Variants in LMTK2 observed in about 807,000 individuals in gnomAD.
The protein encoded by LMTK2 is serine/threonine-protein kinase LMTK2.
A neutral mutation model predicts 127.5 loss-of-function variants in LMTK2; 37 were observed. The ratio of observed to expected loss-of-function variants is 0.29; its 90% CI spans 0.22 to 0.38. LMTK2 has a LOEUF of 0.38. Ranked by LOEUF, LMTK2 falls within the 10% of genes least tolerant of loss-of-function variation. LMTK2 has a pLI of 1.00. For synonymous variants in LMTK2, 819 were observed against 810.1 expected, an observed-to-expected ratio of 1.01 and a Z score of -0.19; for missense variants, 1,694 against 1,920.3, an observed-to-expected ratio of 0.88 and a Z score of 2.20.
At chr7:98,201,592 C>T (rs555141124) in intron 11 of LMTK2, among the ~76,000 whole-genome samples, 1 of 134,720 alleles carries the variant, frequency 7.4e-6, no homozygotes, top group South Asian at 2.7e-4. Context: ...TGGATTTCTT[C>T]GTGTGTGTGT....
chr7:98,137,360 T>C lies in LMTK2; in HGVS notation c.149T>C (p.Leu50Pro). 1.2e-6 allele frequency: 2 copies of C among 1,613,474 alleles called. No homozygotes were observed. The highest frequency in any genetic ancestry group is 1.7e-6 in the Non-Finnish European group (2 of 1,179,676). Residue 50 changes from leucine (L) to proline (P), a missense_variant, in exon 2 of 14, where the codon CTG (leucine) becomes CCG (proline). Around this residue, in one of 8 missense-constraint regions of LMTK2, gnomAD observed 76 missense variants for 82.0 expected, o/e 0.93. Transcript: ENST00000297293. The stretch of plus-strand genomic sequence containing the variant: ...GAAGTTTCCTCATCTTTTGTGATCC[T>C]GTGTGTGTGCAGTTTAATAATATTA... Reference protein sequence around the residue: ...AAEVSSSFVILCVCSLIILIV... With the variant: ...AAEVSSSFVIPCVCSLIILIV...
intron 3 of LMTK2, among the ~76,000 whole-genome samples, chr7:98,147,103 GGTT>G (rs1446440580): frequency 2.0e-5 from 3 of 152,132 alleles, no homozygotes; most frequent in Non-Finnish European, 4.4e-5. Flanking sequence ...TTGAGTAATT[GGTT>G]GTTAATCTTA....
chr7:98,153,122 G>A (rs1328551487), intron 4 of LMTK2, among the ~76,000 whole-genome samples: 1 of 152,208 alleles, frequency 6.6e-6, no homozygotes, highest in East Asian at 1.9e-4. Flanking sequence ...AGACAACTCA[G>A]TGGGGGCACC....
intron 5 of LMTK2, among the ~76,000 whole-genome samples, chr7:98,158,458 A>G (rs1419365916): frequency 6.6e-6 from 1 of 152,274 alleles, no homozygotes. Context: ...TGTCTTTTGT[A>G]CAGATCTGGT....
chr7:98,108,287 T>C (rs1169317005), intron 1 of LMTK2, among the ~76,000 whole-genome samples: 2 of 152,190 alleles, frequency 1.3e-5, no homozygotes, highest in East Asian at 3.9e-4. Context: ...CCTAGTTGTA[T>C]GATTTTTTTT....
At chr7:98,155,676 T>G (rs929942115) in intron 5 of LMTK2, among the ~76,000 whole-genome samples, 1 of 152,204 alleles carries the variant, frequency 6.6e-6, no homozygotes, top group Non-Finnish European at 1.5e-5. Flanking sequence ...AAATTCTTTC[T>G]CCAGAGAAAA....
In LMTK2 at chr7:98,171,644, C is replaced by A; in HGVS notation, c.761C>A (p.Ala254Asp). 6.2e-7 allele frequency: 1 copy of A among 1,600,344 alleles called. No homozygotes were observed. The change falls in exon 7 of 14, where the codon GCC becomes GAC. Residue 254 changes from alanine to aspartate, a missense_variant. By Grantham distance (126) the Ala-to-Asp change is moderately radical. Around this residue, in one of 8 missense-constraint regions of LMTK2, gnomAD observed 203 missense variants for 226.2 expected, o/e 0.90. Transcript: ENST00000297293. This position sits in a 1 kb window ranked among gnomAD's most constrained non-coding sequence, Gnocchi z 5.1. ...GCGTGCGAGGTCGCCGCGGGGCTGG[C>A]CGCCATGCACAAGCTGCACTTCCTG... Reference protein sequence around the residue: ...RMACEVAAGLAAMHKLHFLHS... With the variant: ...RMACEVAAGLDAMHKLHFLHS...
intron 3 of LMTK2, among the ~76,000 whole-genome samples, chr7:98,146,198 C>G (rs1371085499): frequency 6.6e-6 from 1 of 152,148 alleles, no homozygotes; most frequent in Non-Finnish European, 1.5e-5. Context: ...GTCCCTGTGC[C>G]AGTACCACAC....
Position 98,201,599 on chromosome 7 carries a change from G to GTGTTTTGTTTTGTTT in LMTK2, c.4108-1959_4108-1945dup, listed in dbSNP as rs56186084. Among the ~76,000 whole-genome samples the GTGTTTTGTTTTGTTT allele has an allele frequency of 5.1e-3, 771 of 149,804 alleles. 3 individuals carry two copies. Among genetic ancestry groups the GTGTTTTGTTTTGTTT allele is most frequent in the Non-Finnish European group, 6.5e-3 (440 of 67,364 alleles). ...TCTGAGGGTGGATTTCTTCGTGTGT[G>GTGTTTTGTTTTGTTT]TGTTTTGTTTTGTTTTGTTTTGTTT... is the stretch of plus-strand genomic sequence containing the variant. On this transcript the variant is annotated intron_variant, in intron 11 of 13. Coordinates refer to ENST00000297293, the MANE Select transcript of LMTK2 (RefSeq NM_014916.4).
intron 6 of LMTK2, among the ~76,000 whole-genome samples, chr7:98,170,489 A>G (rs1398896786): frequency 1.3e-5 from 2 of 151,392 alleles, no homozygotes; most frequent in South Asian, 4.1e-4. Context: ...GTTACAAGAC[A>G]TGTACTCTTT....
intron 7 of LMTK2, among the ~76,000 whole-genome samples, chr7:98,183,454 C>T (rs1797384056): frequency 6.6e-6 from 1 of 151,978 alleles, no homozygotes; most frequent in Non-Finnish European, 1.5e-5. Context: ...GTAGTGCGAT[C>T]TCGGCTTATT....
chr7:98,149,792 T>A (rs1199515024), intron 3 of LMTK2, among the ~76,000 whole-genome samples: 1 of 152,204 alleles, frequency 6.6e-6, no homozygotes, highest in African/African-American at 2.4e-5. Context: ...TTTTTGGAAA[T>A]TAAAATTAAA....
At position 98,185,192 on chromosome 7, in the gene LMTK2, A is replaced by C. The variant is rs185209638; in HGVS notation, c.876+57A>C. 3.8e-4 allele frequency: 441 copies of C among 1,145,728 alleles called. 1 individual carries two copies. The African/African-American group carries it at 5.3e-3, about 14-fold the overall frequency. The allele number at this position is 1,145,728 out of a possible 1,614,324, so 71.0% of individuals were successfully genotyped here. On this transcript the variant is annotated intron_variant, in intron 8 of 13. Coordinates refer to ENST00000297293, the MANE Select transcript of LMTK2 (RefSeq NM_014916.4). ...ATTTAATTTGAATTGTGAAGTTGTA[A>C]TGTCACCAAATGCCCCACTGTTTGT... is the stretch of plus-strand genomic sequence containing the variant.
Position 98,207,016 on chromosome 7 carries a change from A to T in LMTK2, c.*1524A>T, listed in dbSNP as rs1797814183. The T allele has an allele frequency of 2.0e-5, 3 of 152,218 alleles. 1 individual carries two copies. Among genetic ancestry groups the T allele is most frequent in the South Asian group, 4.2e-4 (2 of 4,818 alleles). 9.4% of individuals were successfully genotyped at this position (152,218 alleles called of 1,614,324 possible). A position where few individuals can be genotyped will look rare whatever the true frequency, so the allele number is the denominator to read the frequency against. ...AGTGCTCCCAGTGTAGCTTCGTCAC[A>T]TCGTCACGAGCCCCTGTGGTCATGG... On this transcript the variant is annotated 3_prime_UTR_variant, in exon 14 of 14. Transcript: ENST00000297293.
chr7:98,179,196 A>G (rs1797316581), intron 7 of LMTK2, among the ~76,000 whole-genome samples: 1 of 152,220 alleles, frequency 6.6e-6, no homozygotes. Flanking sequence ...CATTTCAAGT[A>G]TCCAAAGACC....
At chr7:98,161,839 T>G (rs374617302) in intron 6 of LMTK2, among the ~76,000 whole-genome samples, 2 of 152,106 alleles carry the variant, frequency 1.3e-5, no homozygotes, top group African/African-American at 4.8e-5. Flanking sequence ...CTGAGCTGTT[T>G]CATGTTGCCT....
intron 1 of LMTK2, among the ~76,000 whole-genome samples, chr7:98,127,810 A>G (rs1002646681): frequency 2.0e-5 from 3 of 152,202 alleles, no homozygotes; most frequent in African/African-American, 2.4e-5. Context: ...AGCGTCACAC[A>G]TACGCCATAA....
chr7:98,178,035 T>C (rs1486568434), intron 7 of LMTK2, among the ~76,000 whole-genome samples: 1 of 152,188 alleles, frequency 6.6e-6, no homozygotes, highest in Non-Finnish European at 1.5e-5. Context: ...TTCATTCACC[T>C]CTCATCAGCT....
chr7:98,201,392 T>C (rs28457167), intron 11 of LMTK2, among the ~76,000 whole-genome samples: 9,136 of 152,240 alleles, frequency 0.06, 671 homozygotes, highest in East Asian at 0.36. Context: ...TCTGAAAATT[T>C]GAAATCCCAA....
Sources: allele counts gnomAD v4.1 joint callset (sites outside exome capture counted in the v4.1 genomes callset), GRCh38; gene constraint gnomAD v4.1.1; regional missense constraint gnomAD v4.1.1; non-coding constraint Gnocchi (gnomAD v3.1); transcripts MANE v1.5; gene names NCBI Gene and HGNC (gene_info 2026-07-23, HGNC 2026-07-21).